The following PDZD7 variants were observed in gnomAD, a reference collection of about 807,000 sequenced individuals.
The protein encoded by PDZD7 is PDZ domain containing 7.
A neutral mutation model predicts 84.7 loss-of-function variants in PDZD7; 72 were observed. The observed-to-expected ratio is 0.85, with a 90% confidence interval of 0.70 to 1.03. The LOEUF (loss-of-function observed/expected upper bound fraction) is 1.03. Among genes scored for constraint, PDZD7 ranks in the 50% least tolerant of loss-of-function variants. PDZD7 has a pLI of 0.00. For missense variants in PDZD7, 1,490 were observed against 1,412.9 expected (o/e 1.05, Z -0.87); for synonymous variants, 594 against 580.7 (o/e 1.02, Z -0.33).
intron 2 of PDZD7, among the ~76,000 whole-genome samples, chr10:101,028,602 TAAAA>T (rs71975380): frequency 1.5e-5 from 2 of 134,806 alleles, no homozygotes; most frequent in African/African-American, 5.7e-5. Context: ...CTTTCCCTCT[TAAAA>T]AAAAAAAAAA....
chr10:101,009,008 T>A (rs1852306346), intron 16 of PDZD7, among the ~76,000 whole-genome samples, 158 bp from the exon 17 acceptor site: 1 of 151,928 alleles, frequency 6.6e-6, no homozygotes, highest in Non-Finnish European at 1.5e-5. Flanking sequence ...CTGCAGTTGT[T>A]GGGGGCAGGG....
Position 101,012,003 on chromosome 10 carries a change from G to A in PDZD7, c.1855C>T (p.Pro619Ser). ...CTGTCGAAGCGGCCCAGGTCTGTGG[G>A]GGCCACCACACTCCTGGGAGAGGGC... ...LLQDIRSVVAPTDLGRFDSMV... is the reference protein window; with the variant it reads ...LLQDIRSVVASTDLGRFDSMV... The change falls in exon 13 of 17, where the codon CCC becomes TCC. Residue 619 changes from proline (P) to serine (S), a missense_variant. Pro to Ser is a moderately conservative substitution (Grantham distance 74). Coordinates refer to ENST00000619208, the MANE Select transcript of PDZD7 (RefSeq NM_001195263.2). 1 of 1,550,336 alleles carries A rather than the reference G, an allele frequency of 6.5e-7. No homozygotes were observed. Among genetic ancestry groups the A allele is most frequent in the Non-Finnish European group, 8.7e-7 (1 of 1,146,842 alleles).
At position 101,010,590 on chromosome 10, in the gene PDZD7, G is replaced by A. The variant is rs562444438; in HGVS notation, c.2299C>T (p.Arg767Trp). 1.2e-4 allele frequency: 180 copies of A among 1,512,938 alleles called. 2 individuals are homozygous for A. The South Asian group carries it at 2.2e-3, about 18-fold the overall frequency. 93.7% of individuals were successfully genotyped at this position (1,512,938 alleles called of 1,614,324 possible). The change falls in exon 15 of 17, where the codon CGG becomes TGG. Residue 767 changes from arginine to tryptophan, a missense_variant. Transcript: ENST00000619208. Reference protein sequence around the residue: ...SREHPPQSQIRGRAQSRSRSR... With the variant: ...SREHPPQSQIWGRAQSRSRSR... Reference sequence around the variant, plus strand: ...CGGCTACGGCTCTGAGCCCGGCCCCGGATCTGGCTCTGCGGAGGGTGCTCT... The same window carrying A: ...CGGCTACGGCTCTGAGCCCGGCCCCAGATCTGGCTCTGCGGAGGGTGCTCT...
Position 101,011,388 on chromosome 10 carries a change from T to C in PDZD7, c.2005+302A>G, listed in dbSNP as rs759834321. On this transcript the variant is annotated intron_variant, in intron 14 of 16. Coordinates refer to ENST00000619208, the MANE Select transcript of PDZD7 (RefSeq NM_001195263.2). ...CTGCTGGAATCGTTACCGTTCTATT[T>C]TAATGTGTCTAAGAAAAAATACGAC... 2.9e-4 allele frequency: 186 copies of C among 640,482 alleles called. 1 individual carries two copies. The highest frequency in any genetic ancestry group is 2.0e-4 in the Admixed American group (5 of 25,506). The allele number at this position is 640,482 out of a possible 1,614,324, so 39.7% of individuals were successfully genotyped here. A position where few individuals can be genotyped will look rare whatever the true frequency, so the allele number is the denominator to read the frequency against.
At chr10:101,008,878 C>T (rs1852302933) in intron 16 of PDZD7, 28 bp from the exon 17 acceptor site, 17 of 1,466,068 alleles carry the variant, frequency 1.2e-5, no homozygotes, top group Non-Finnish European at 1.5e-5. Context: ...AGTCACATCC[C>T]TCCCTCCTCA....
chr10:101,029,371 G>C (rs535963088), intron 2 of PDZD7, among the ~76,000 whole-genome samples: 3 of 70,550 alleles, frequency 4.3e-5, no homozygotes, highest in African/African-American at 1.7e-4. Context: ...CACCTCCCCA[G>C]GGCTGGTATA....
chr10:101,020,593 AC>A (rs766540031), intron 7 of PDZD7, 24 bp downstream of exon 7: 12 of 1,559,252 alleles, frequency 7.7e-6, no homozygotes. Flanking sequence ...TTTCCCTCCA[AC>A]CTTGGGAGAT....
rs1853035700 is a variant in PDZD7 at position 101,020,671 on chromosome 10, C to T, written c.875G>A (p.Gly292Asp). The change falls in exon 7 of 17, where the codon GGC (glycine) becomes GAC (aspartate). Residue 292 changes from glycine to aspartate, a missense_variant. Physicochemically the swap from Gly to Asp is moderately conservative, Grantham distance 94 (BLOSUM62 -1). Coordinates refer to ENST00000619208, the MANE Select transcript of PDZD7 (RefSeq NM_001195263.2). Reference sequence around the variant, plus strand: ...CATCTCCTTGTAGGCAGGATACCGGCCGGTCTCCTGGGGAGGGGATGGTGG... The same window carrying T: ...CATCTCCTTGTAGGCAGGATACCGGTCGGTCTCCTGGGGAGGGGATGGTGG... Reference protein sequence around the residue: ...THIMLTIKETGRYPAYKEMVS... With the variant: ...THIMLTIKETDRYPAYKEMVS... 6.2e-7 allele frequency: 1 copy of T among 1,613,732 alleles called. No homozygotes were observed. The highest frequency in any genetic ancestry group is 1.7e-5 in the Admixed American group (1 of 59,990).
chr10:101,030,160 G>A lies in PDZD7; in HGVS notation c.60C>T (p.Gly20=), dbSNP rs968096580. The A allele has an allele frequency of 1.9e-6, 3 of 1,613,894 alleles. No individual in the cohort carries two copies. Among genetic ancestry groups the A allele is most frequent in the Non-Finnish European group, 2.5e-6 (3 of 1,179,988 alleles). ...CTCGGGAGGAGAGGGAGCTCAGAGA[G>A]CCGGAGCTCAGGTCTCCTAGGCCCA... The part of the protein sequence containing the change: ...DPLGLGDLSS[G]SLSSLSSRGH... Residue 20 remains glycine (G), a synonymous_variant, in exon 2 of 17, where the codon GGC becomes GGT. Coordinates refer to ENST00000619208, the MANE Select transcript of PDZD7 (RefSeq NM_001195263.2).
Position 101,014,879 on chromosome 10 carries a change from T to G in PDZD7, c.1749+757A>C, listed in dbSNP as rs112716198. Among the ~76,000 whole-genome samples, 692 of 152,156 alleles carry G rather than the reference T, an allele frequency of 4.5e-3. 7 individuals carry two copies. Among genetic ancestry groups the G allele is most frequent in the African/African-American group, 0.016 (672 of 41,488 alleles). ...AAACAATTTTTCAAGACCCCCCAGC[T>G]CGCCCTCACACACAGTGTGCAGACT... On this transcript the variant is annotated intron_variant, in intron 11 of 16. Coordinates refer to ENST00000619208, the MANE Select transcript of PDZD7 (RefSeq NM_001195263.2).
chr10:101,008,203 C>T lies in PDZD7; in HGVS notation c.*264G>A. ...CCCAAGCTCCAGACCTTGGCTTTCT[C>T]ACCCCCTATCCTGGCTTGGGAGGTT... is the stretch of plus-strand genomic sequence containing the variant. On this transcript the variant is annotated 3_prime_UTR_variant, in exon 17 of 17. Transcript: ENST00000619208. 2 of 497,916 alleles carry T rather than the reference C, an allele frequency of 4.0e-6. No homozygotes were observed. Among genetic ancestry groups the T allele is most frequent in the Non-Finnish European group, 7.0e-6 (2 of 284,126 alleles). The allele number at this position is 497,916 out of a possible 1,614,324, so 30.8% of individuals were successfully genotyped here. A position where few individuals can be genotyped will look rare whatever the true frequency, so the allele number is the denominator to read the frequency against.
At position 101,008,724 on chromosome 10, in the gene PDZD7, C is replaced by T. The variant is rs1395241194; in HGVS notation, c.2845G>A (p.Val949Ile). 3 of 1,535,808 alleles carry T rather than the reference C, an allele frequency of 2.0e-6. No individual in the cohort carries two copies. The highest frequency in any genetic ancestry group is 3.9e-5 in the Admixed American group (2 of 50,966). ...AREPMELVVR[V>I]PGPSPRPSPS... ...GAGGGCCGTGGGCTGGGCCCGGGGA[C>T]CCTGACCACAAGCTCCATGGGCTCC... The change falls in exon 17 of 17, where the codon GTC becomes ATC. Residue 949 changes from valine to isoleucine, a missense_variant. Coordinates refer to ENST00000619208, the MANE Select transcript of PDZD7 (RefSeq NM_001195263.2).
chr10:101,013,032 C>T (rs1441694774), intron 11 of PDZD7, among the ~76,000 whole-genome samples: 3 of 152,312 alleles, frequency 2.0e-5, no homozygotes, highest in East Asian at 1.9e-4. Context: ...GTCAGGGACA[C>T]GCACGCATAG....
At chr10:101,020,754 A>C in intron 6 of PDZD7, 76 bp from the exon 7 acceptor site, 1 of 1,032,728 alleles carries the variant, frequency 9.7e-7, no homozygotes. Context: ...CGGGGGTGAC[A>C]GGATGGGAGT....
rs541123358 is a variant in PDZD7 at position 101,029,589 on chromosome 10, T to C, written c.226+405A>G. ...GCCCAGCACAGAGCTTGTCACACAA[T>C]GGACTGGTTGATGGAGGATGTCCTT... On this transcript the variant is annotated intron_variant, in intron 2 of 16. Transcript: ENST00000619208. Among the ~76,000 whole-genome samples, 14 of 152,292 alleles carry C rather than the reference T, an allele frequency of 9.2e-5. No homozygotes were observed. The South Asian group carries it at 2.9e-3, about 32-fold the overall frequency.
chr10:101,018,884 A>G lies in PDZD7; in HGVS notation c.1262T>C (p.Leu421Pro). The part of the protein sequence containing the change: ...ALSESPKTAL[L>P]LALSRPRPPI... ...GGGCCGGGGTCGGCTGAGGGCCAGC[A>G]GCAAAGCCGTCTTGGGAGACTCAGA... Residue 421 changes from leucine to proline, a missense_variant, in exon 8 of 17, where the codon CTG (leucine) becomes CCG (proline). By Grantham distance (98) the Leu-to-Pro change is moderately conservative (BLOSUM62 -3). Coordinates refer to ENST00000619208, the MANE Select transcript of PDZD7 (RefSeq NM_001195263.2). The G allele has an allele frequency of 6.2e-7, 1 of 1,605,012 alleles. No homozygotes were observed. The highest frequency in any genetic ancestry group is 8.5e-7 in the Non-Finnish European group (1 of 1,176,204).
chr10:101,025,126 C>T (rs1317053982), intron 2 of PDZD7, among the ~76,000 whole-genome samples: 2 of 152,246 alleles, frequency 1.3e-5, no homozygotes, highest in African/African-American at 2.4e-5. Context: ...AGTACTCTTG[C>T]TCACACAGTG....
chr10:101,028,809 C>G (rs867943025), intron 2 of PDZD7, among the ~76,000 whole-genome samples: 1 of 152,200 alleles, frequency 6.6e-6, no homozygotes, highest in African/African-American at 2.4e-5. Flanking sequence ...GCTCCCTCAC[C>G]AGAATGACCG....
At chr10:101,029,509 C>T (rs1937933139) in intron 2 of PDZD7, among the ~76,000 whole-genome samples, 1 of 152,238 alleles carries the variant, frequency 6.6e-6, no homozygotes, top group Non-Finnish European at 1.5e-5. Context: ...CATTCCCCTC[C>T]TTCAGCACGG....
Sources: allele counts gnomAD v4.1 joint callset (sites outside exome capture counted in the v4.1 genomes callset), GRCh38; gene constraint gnomAD v4.1.1; transcripts MANE v1.5; gene names NCBI Gene and HGNC (gene_info 2026-07-23, HGNC 2026-07-21).